The following PFKFB3 variants were observed in gnomAD, a reference collection of about 807,000 sequenced individuals.
PFKFB3 encodes 6-phosphofructo-2-kinase/fructose-2,6-biphosphatase 3, also known as 6-phosphofructo-2-kinase/fructose-2,6-bisphosphatase 3.
In PFKFB3, 33 loss-of-function variants were observed where a neutral mutation model predicts 68.0. The ratio of observed to expected loss-of-function variants is 0.49; its 90% CI spans 0.37 to 0.65. The LOEUF (loss-of-function observed/expected upper bound fraction) is 0.65. Among genes scored for constraint, PFKFB3 ranks in the 30% least tolerant of loss-of-function variants. The pLI, the probability that PFKFB3 is intolerant of heterozygous loss-of-function variation, is 0.00. For missense variants in PFKFB3, 586 were observed against 712.2 expected, an observed-to-expected ratio of 0.82 and a Z score of 2.02; for synonymous variants, 315 against 288.2, an observed-to-expected ratio of 1.09 and a Z score of -0.94.
intron 6 of PFKFB3, among the ~76,000 whole-genome samples, chr10:6,218,451 C>T (rs577568959): frequency 9.4e-5 from 14 of 149,120 alleles, no homozygotes; most frequent in African/African-American, 3.1e-4. Flanking sequence ...TTTATTGAAA[C>T]GGACTCTCCT....
At chr10:6,277,409 C>G in the PFKFB3 span, among the ~76,000 whole-genome samples, 2 of 152,064 alleles carry the variant, frequency 1.3e-5, no homozygotes, top group African/African-American at 2.4e-5. Flanking sequence ...TTAGTAGAGA[C>G]AGGGTTTCAC....
downstream of PFKFB3, among the ~76,000 whole-genome samples, chr10:6,236,312 CTCTG>C: frequency 6.6e-6 from 1 of 152,242 alleles, no homozygotes; most frequent in Non-Finnish European, 1.5e-5. Context: ...GCGTCTGCAT[CTCTG>C]CAGATGGGGC....
chr10:6,155,342 A>G (rs1841742702), intron 1 of PFKFB3, among the ~76,000 whole-genome samples: 1 of 151,044 alleles, frequency 6.6e-6, no homozygotes, highest in East Asian at 1.9e-4. Flanking sequence ...AGCTGAGACC[A>G]CAGGCGCCCA....
At chr10:6,225,247 A>G (rs1845263060) in intron 13 of PFKFB3, 1 of 456,034 alleles carries the variant, frequency 2.2e-6, no homozygotes, top group African/African-American at 2.0e-5. Context: ...TTCCCGAAAC[A>G]GGTGACTGTC....
At chr10:6,158,133 A>T (rs904471345) in intron 1 of PFKFB3, among the ~76,000 whole-genome samples, 7 of 151,860 alleles carry the variant, frequency 4.6e-5, no homozygotes, top group Admixed American at 1.3e-4. Flanking sequence ...AAAATAAAAA[A>T]AAAAAATTAG....
rs1363784093 is a variant in PFKFB3, at chr10:6,226,484, C to T, written c.1515+119C>T. The T allele has an allele frequency of 3.6e-5, 33 of 917,528 alleles. No homozygotes were observed. The East Asian group carries it at 5.9e-4, about 16-fold the overall frequency. 56.8% of individuals were successfully genotyped at this position (917,528 alleles called of 1,614,324 possible). On this transcript the variant is annotated intron_variant, in intron 14 of 14. Coordinates refer to ENST00000379775, the MANE Select transcript of PFKFB3 (RefSeq NM_004566.4). ...ACGTGCGTGGGTGCGTGTGGGTGCG[C>T]GTGCGTATGTTGTAGGTGTCTGTGC...
chr10:6,272,139 A>T, the PFKFB3 span, among the ~76,000 whole-genome samples: 8 of 152,230 alleles, frequency 5.3e-5, no homozygotes, highest in Admixed American at 5.2e-4. Context: ...TATGTTATGA[A>T]CAAGTGCAAA....
At chr10:6,219,858 A>T (rs1405438228) in intron 7 of PFKFB3, among the ~76,000 whole-genome samples, 165 bp downstream of exon 7, 1 of 151,986 alleles carries the variant, frequency 6.6e-6, no homozygotes, top group Non-Finnish European at 1.5e-5. Flanking sequence ...GCTGGTCTTG[A>T]GCTCCTGGCC....
At chr10:6,161,228 G>A (rs1247432252) in intron 1 of PFKFB3, among the ~76,000 whole-genome samples, 4 of 152,036 alleles carry the variant, frequency 2.6e-5, no homozygotes, top group South Asian at 2.1e-4. Flanking sequence ...GAGCCACGGC[G>A]CCTGACCTCA....
downstream of PFKFB3, among the ~76,000 whole-genome samples, chr10:6,256,959 G>A (rs1443958378): frequency 6.6e-6 from 1 of 152,112 alleles, no homozygotes; most frequent in African/African-American, 2.4e-5. Flanking sequence ...TTAGCTTCAC[G>A]TTTCAAAAAG....
intron 1 of PFKFB3, among the ~76,000 whole-genome samples, chr10:6,205,963 AATT>A (rs1224629679): frequency 1.3e-5 from 1 of 77,178 alleles, no homozygotes; most frequent in Non-Finnish European, 2.9e-5. Context: ...ACACCCGGCT[AATT>A]AAAAAAAATT....
chr10:6,324,657 C>T, the PFKFB3 span, among the ~76,000 whole-genome samples: 4 of 151,662 alleles, frequency 2.6e-5, no homozygotes, highest in Non-Finnish European at 5.9e-5. Flanking sequence ...CTCGAACTCC[C>T]GACCTCAAAT....
the PFKFB3 span, among the ~76,000 whole-genome samples, chr10:6,317,999 C>T: frequency 6.6e-6 from 1 of 152,204 alleles, no homozygotes; most frequent in African/African-American, 2.4e-5. Context: ...ACAGAAGCAG[C>T]ATGTGGTTGT....
intron 14 of PFKFB3, chr10:6,231,569 C>T (rs1845745223): frequency 1.0e-6 from 1 of 985,326 alleles, no homozygotes; most frequent in South Asian, 4.7e-5. Flanking sequence ...TCGCCATCAC[C>T]TGTGGGTGCC....
At chr10:6,223,068 C>A in intron 11 of PFKFB3, 84 bp downstream of exon 11, 1 of 1,435,340 alleles carries the variant, frequency 7.0e-7, no homozygotes, top group African/African-American at 1.4e-5. Context: ...CCTGCCGTGG[C>A]CTGCCCTGTG....
At chr10:6,206,818 GAC>G (rs1193055309) in intron 1 of PFKFB3, among the ~76,000 whole-genome samples, 22 of 29,042 alleles carry the variant, frequency 7.6e-4, no homozygotes, top group African/African-American at 2.4e-3. Flanking sequence ...GCCGGGCAGA[GAC>G]GCTCCTCACT....
chr10:6,320,515 G>A, the PFKFB3 span, among the ~76,000 whole-genome samples: 1 of 151,682 alleles, frequency 6.6e-6, no homozygotes, highest in Admixed American at 6.6e-5. Context: ...GCAGTGGCAC[G>A]GTCACGACTC....
intron 1 of PFKFB3, chr10:6,146,557 C>A: frequency 2.1e-6 from 3 of 1,460,094 alleles, no homozygotes; most frequent in Non-Finnish European, 2.8e-6. Context: ...GTCCCTCCCC[C>A]CCTACTCATT....
chr10:6,316,359 C>A, the PFKFB3 span, among the ~76,000 whole-genome samples: 1 of 152,220 alleles, frequency 6.6e-6, no homozygotes, highest in Non-Finnish European at 1.5e-5. Flanking sequence ...ACCAGGATGA[C>A]CACCAAAGAT....
Sources: allele counts gnomAD v4.1 joint callset (sites outside exome capture counted in the v4.1 genomes callset), GRCh38; gene constraint gnomAD v4.1.1; transcripts MANE v1.5; gene names NCBI Gene and HGNC (gene_info 2026-07-23, HGNC 2026-07-21).